The following TMEFF2 variants were observed in gnomAD, a reference collection of about 807,000 sequenced individuals.
TMEFF2 encodes the protein tomoregulin-2.
Under a neutral mutation model 53.8 loss-of-function variants are expected in TMEFF2, and 28 were observed. The ratio of observed to expected loss-of-function variants is 0.52; its 90% CI spans 0.39 to 0.71. The LOEUF is 0.71. TMEFF2 is among the 30% of genes least tolerant of loss of function. The pLI is 0.00. For synonymous variants in TMEFF2, 162 were observed against 166.3 expected, an observed-to-expected ratio of 0.97 and a Z score of 0.20; for missense variants, 353 against 455.2, an observed-to-expected ratio of 0.78 and a Z score of 2.04.
At chr2:192,120,072 C>A (rs548190777) in intron 4 of TMEFF2, among the ~76,000 whole-genome samples, 1 of 152,204 alleles carries the variant, frequency 6.6e-6, no homozygotes, top group South Asian at 2.1e-4. Flanking sequence ...GTTAAGGAAA[C>A]AAAAGTTTCC....
At chr2:191,982,547 A>G (rs1685878553) in intron 7 of TMEFF2, among the ~76,000 whole-genome samples, 2 of 151,638 alleles carry the variant, frequency 1.3e-5, no homozygotes, top group South Asian at 4.1e-4. Context: ...AAGTTACACT[A>G]GTTTCAAAAT....
At chr2:191,957,657 G>C (rs6747698) in intron 7 of TMEFF2, among the ~76,000 whole-genome samples, 1 of 152,070 alleles carries the variant, frequency 6.6e-6, no homozygotes, top group African/African-American at 2.4e-5. Flanking sequence ...AGTTGTAAAA[G>C]ATGTATAGTG....
At chr2:192,092,140 A>T (rs1688804739) in intron 4 of TMEFF2, among the ~76,000 whole-genome samples, 1 of 152,122 alleles carries the variant, frequency 6.6e-6, no homozygotes. Context: ...TCAAGGGACA[A>T]TTCCTATTGT....
intron 4 of TMEFF2, among the ~76,000 whole-genome samples, chr2:192,169,637 G>A (rs905157358): frequency 6.6e-6 from 1 of 152,084 alleles, no homozygotes; most frequent in African/African-American, 2.4e-5. Flanking sequence ...ATGGAATTGG[G>A]GAGGCCTGTT....
chr2:192,159,202 C>T (rs146750580), intron 4 of TMEFF2, among the ~76,000 whole-genome samples: 1 of 152,140 alleles, frequency 6.6e-6, no homozygotes, highest in East Asian at 1.9e-4. Flanking sequence ...TTTATGCTAC[C>T]GTTATTTGTA....
intron 7 of TMEFF2, among the ~76,000 whole-genome samples, chr2:191,974,222 AAACAATTT>A (rs1484108171): frequency 6.6e-6 from 1 of 152,190 alleles, no homozygotes; most frequent in African/African-American, 2.4e-5. Context: ...CCAGATCAGA[AAACAATTT>A]TGTGTGAAAG....
At chr2:192,047,476 T>C (rs1687652284) in intron 5 of TMEFF2, among the ~76,000 whole-genome samples, 1 of 152,178 alleles carries the variant, frequency 6.6e-6, no homozygotes, top group African/African-American at 2.4e-5. Flanking sequence ...AGTGAACTAC[T>C]GTGTCAAAGA....
At chr2:192,150,695 G>T (rs1319732958) in intron 4 of TMEFF2, among the ~76,000 whole-genome samples, 3 of 143,728 alleles carry the variant, frequency 2.1e-5, no homozygotes, top group Non-Finnish European at 3.0e-5. Flanking sequence ...GACACTTCAT[G>T]TTTTTTTTTT....
chr2:192,120,352 G>A (rs1689519937), intron 4 of TMEFF2, among the ~76,000 whole-genome samples: 1 of 152,206 alleles, frequency 6.6e-6, no homozygotes. Context: ...CATGGAAAGA[G>A]CGAAATTCCA....
At chr2:192,044,641 C>T (rs1380817845) in intron 5 of TMEFF2, 2 of 152,252 alleles carry the variant, frequency 1.3e-5, no homozygotes, top group Non-Finnish European at 2.9e-5. Context: ...TCCGGTAGAT[C>T]CAATGGTGCT....
intron 7 of TMEFF2, among the ~76,000 whole-genome samples, chr2:191,956,705 A>G (rs973150856): frequency 6.6e-6 from 1 of 152,188 alleles, no homozygotes; most frequent in Non-Finnish European, 1.5e-5. Context: ...ATACTCCAAG[A>G]AGAAATATCC....
intron 4 of TMEFF2, among the ~76,000 whole-genome samples, chr2:192,165,433 G>A (rs904434003): frequency 6.6e-5 from 10 of 152,060 alleles, no homozygotes; most frequent in Non-Finnish European, 8.8e-5. Flanking sequence ...CACATAGTAC[G>A]TACTCATTAT....
chr2:192,137,673 G>A (rs994254394), intron 4 of TMEFF2, among the ~76,000 whole-genome samples: 3 of 151,826 alleles, frequency 2.0e-5, no homozygotes, highest in Admixed American at 6.6e-5. Context: ...TCTTGAATGA[G>A]TCAGACTATA....
intron 4 of TMEFF2, among the ~76,000 whole-genome samples, chr2:192,061,999 A>G (rs1457230201): frequency 6.6e-6 from 1 of 152,134 alleles, no homozygotes. Context: ...AGTCAGAATA[A>G]ACTTTTTTTC....
intron 2 of TMEFF2, among the ~76,000 whole-genome samples, chr2:192,187,432 A>G (rs1167094834): frequency 6.6e-5 from 10 of 152,180 alleles, no homozygotes; most frequent in African/African-American, 2.2e-4. Context: ...TGTTTCTAGA[A>G]TTAGAAAAAC....
chr2:192,175,313 C>A (rs1263552197), intron 4 of TMEFF2, among the ~76,000 whole-genome samples: 2 of 151,462 alleles, frequency 1.3e-5, no homozygotes, highest in Admixed American at 1.3e-4. Context: ...TCAGAAATAG[C>A]AGCCCAAGAT....
At chr2:192,002,258 T>G (rs1686383182) in intron 5 of TMEFF2, among the ~76,000 whole-genome samples, 2 of 152,164 alleles carry the variant, frequency 1.3e-5, no homozygotes, top group South Asian at 4.1e-4. Context: ...GAGGAGGACA[T>G]AGATTCATTC....
intron 5 of TMEFF2, among the ~76,000 whole-genome samples, chr2:192,038,572 C>A (rs1201705799): frequency 6.6e-6 from 1 of 151,938 alleles, no homozygotes; most frequent in Non-Finnish European, 1.5e-5. Context: ...CTCACTGCAG[C>A]CTCTGCCTTC....
chr2:192,098,374 C>T (rs757953573), intron 4 of TMEFF2, among the ~76,000 whole-genome samples: 2 of 152,142 alleles, frequency 1.3e-5, no homozygotes, highest in Non-Finnish European at 2.9e-5. Flanking sequence ...GATTTGTCTG[C>T]CATTCGGAAT....
Sources: allele counts gnomAD v4.1 joint callset (sites outside exome capture counted in the v4.1 genomes callset), GRCh38; gene constraint gnomAD v4.1.1; transcripts MANE v1.5; gene names NCBI Gene and HGNC (gene_info 2026-07-23, HGNC 2026-07-21).